The following LOC128706666 variants were observed in gnomAD, a reference collection of about 807,000 sequenced individuals.
chr20:10,423,324 G>A, the LOC128706666 span, among the ~76,000 whole-genome samples: 1 of 152,106 alleles, frequency 6.6e-6, no homozygotes, highest in Admixed American at 6.5e-5. Flanking sequence ...GGGGTGCTGA[G>A]GTAGGAGGAT....
At chr20:10,418,819 G>C in the LOC128706666 span, among the ~76,000 whole-genome samples, 2 of 151,722 alleles carry the variant, frequency 1.3e-5, no homozygotes, top group Non-Finnish European at 2.9e-5. Context: ...TAATATAATG[G>C]TCTTACTAGT....
the LOC128706666 span, among the ~76,000 whole-genome samples, chr20:10,427,029 G>GCACACAC: frequency 7.6e-6 from 1 of 130,724 alleles, no homozygotes; most frequent in Non-Finnish European, 1.6e-5. Flanking sequence ...AGAAAACACT[G>GCACACAC]ACACACACAC....
the LOC128706666 span, among the ~76,000 whole-genome samples, chr20:10,421,182 C>A: frequency 6.6e-6 from 1 of 152,096 alleles, no homozygotes. Flanking sequence ...GTATTCCCAG[C>A]ACTTTGGGAG....
chr20:10,431,779 T>C, the LOC128706666 span: 10 of 152,240 alleles, frequency 6.6e-5, no homozygotes, highest in South Asian at 4.1e-4. Flanking sequence ...TTCTCTGCTA[T>C]ATTCCTAGTG....
At chr20:10,424,331 G>T in the LOC128706666 span, among the ~76,000 whole-genome samples, 1 of 152,004 alleles carries the variant, frequency 6.6e-6, no homozygotes, top group African/African-American at 2.4e-5. Context: ...TCAGGCAGGG[G>T]GACTGCTTGA....
At chr20:10,433,709 C>T in the LOC128706666 span, among the ~76,000 whole-genome samples, 1 of 152,146 alleles carries the variant, frequency 6.6e-6, no homozygotes, top group Non-Finnish European at 1.5e-5. Context: ...CACCTCCCGA[C>T]AGCCTGGGGT....
At chr20:10,426,334 C>T in the LOC128706666 span, among the ~76,000 whole-genome samples, 1 of 152,142 alleles carries the variant, frequency 6.6e-6, no homozygotes, top group African/African-American at 2.4e-5. Flanking sequence ...ATGAGGGGAA[C>T]ATTTGGAGGG....
the LOC128706666 span, among the ~76,000 whole-genome samples, chr20:10,419,026 A>G: frequency 6.6e-6 from 1 of 152,154 alleles, no homozygotes; most frequent in Admixed American, 6.5e-5. Flanking sequence ...ATGCTCTTCC[A>G]CTTCTGCTTA....
chr20:10,426,959 C>T, the LOC128706666 span, among the ~76,000 whole-genome samples: 1 of 150,842 alleles, frequency 6.6e-6, no homozygotes. Context: ...GGAGAACTTG[C>T]TATGCTTCTA....
the LOC128706666 span, among the ~76,000 whole-genome samples, chr20:10,422,861 G>A: frequency 2.9e-3 from 442 of 151,768 alleles, 3 homozygotes; most frequent in African/African-American, 0.01. Context: ...ACAGGTGCCC[G>A]CCACCACACC....
At chr20:10,419,983 G>A in the LOC128706666 span, among the ~76,000 whole-genome samples, 1 of 152,174 alleles carries the variant, frequency 6.6e-6, no homozygotes, top group African/African-American at 2.4e-5. Context: ...ATCAAGTTTT[G>A]CTGTCAAAGG....
At chr20:10,429,041 G>A in the LOC128706666 span, among the ~76,000 whole-genome samples, 1 of 152,122 alleles carries the variant, frequency 6.6e-6, no homozygotes, top group African/African-American at 2.4e-5. Flanking sequence ...ACTGAAAAGA[G>A]TCAAAAACAA....
At chr20:10,431,062 A>G in the LOC128706666 span, among the ~76,000 whole-genome samples, 1 of 152,174 alleles carries the variant, frequency 6.6e-6, no homozygotes, top group Admixed American at 6.5e-5. Flanking sequence ...AGAGAACTAT[A>G]TACATTCATA....
chr20:10,423,162 T>C, the LOC128706666 span, among the ~76,000 whole-genome samples: 1 of 152,000 alleles, frequency 6.6e-6, no homozygotes, highest in Non-Finnish European at 1.5e-5. Flanking sequence ...TAGGGCCAGG[T>C]GCAGTGGCTC....
At chr20:10,416,229 G>A in the LOC128706666 span, among the ~76,000 whole-genome samples, 1 of 151,972 alleles carries the variant, frequency 6.6e-6, no homozygotes, top group African/African-American at 2.4e-5. Flanking sequence ...TAAATTAAGA[G>A]GTGCACTATA....
chr20:10,431,347 A>T, the LOC128706666 span, among the ~76,000 whole-genome samples: 8 of 152,282 alleles, frequency 5.3e-5, no homozygotes, highest in East Asian at 1.5e-3. Flanking sequence ...TCAAATATGT[A>T]CAAGATTAAT....
chr20:10,414,823 T>C, the LOC128706666 span, among the ~76,000 whole-genome samples: 3 of 152,296 alleles, frequency 2.0e-5, no homozygotes, highest in African/African-American at 7.2e-5. Context: ...CAAACCATGT[T>C]TTAAACACCT....
the LOC128706666 span, chr20:10,414,037 AACT>A: frequency 5.2e-6 from 2 of 384,150 alleles, no homozygotes; most frequent in African/African-American, 4.1e-5. Flanking sequence ...TAGAAAAAGG[AACT>A]ACTAACTGGC....
chr20:10,430,159 G>A, the LOC128706666 span, among the ~76,000 whole-genome samples: 1 of 152,190 alleles, frequency 6.6e-6, no homozygotes, highest in Middle Eastern at 3.2e-3. Flanking sequence ...AAATCCACTA[G>A]GATCTAGATC....
Sources: allele counts gnomAD v4.1 joint callset (sites outside exome capture counted in the v4.1 genomes callset), GRCh38; gene constraint gnomAD v4.1.1; transcripts MANE v1.5.